Variants in ADAMTS17 observed in about 807,000 individuals in gnomAD.
ADAMTS17 encodes the protein A disintegrin and metalloproteinase with thrombospondin motifs 17.
A neutral mutation model predicts 141.5 loss-of-function variants in ADAMTS17; 113 were observed. The observed-to-expected ratio is 0.80, with a 90% confidence interval of 0.69 to 0.93. The LOEUF is 0.93. ADAMTS17 is among the 40% of genes least tolerant of loss of function. ADAMTS17 has a pLI of 0.00. For missense variants in ADAMTS17, 1,659 were observed against 1,517.9 expected, an observed-to-expected ratio of 1.09 and a Z score of -1.54; for synonymous variants, 768 against 630.6, an observed-to-expected ratio of 1.22 and a Z score of -3.27.
chr15:100,300,070 A>G (rs1405614117), intron 3 of ADAMTS17, among the ~76,000 whole-genome samples: 1 of 152,210 alleles, frequency 6.6e-6, no homozygotes, highest in Admixed American at 6.5e-5. Flanking sequence ...TCAGAGGATT[A>G]GCAAGCAACA....
chr15:100,070,416 C>T (rs1255614193), intron 15 of ADAMTS17, among the ~76,000 whole-genome samples: 1 of 150,190 alleles, frequency 6.7e-6, no homozygotes, highest in Non-Finnish European at 1.5e-5. Flanking sequence ...TAGAACTCTC[C>T]ACCCCAAATC....
intron 3 of ADAMTS17, among the ~76,000 whole-genome samples, chr15:100,284,870 G>A (rs1008248127): frequency 1.3e-5 from 2 of 152,216 alleles, no homozygotes; most frequent in Non-Finnish European, 2.9e-5. Flanking sequence ...CCTCACCAGA[G>A]AGGTCAAAGT....
intron 3 of ADAMTS17, among the ~76,000 whole-genome samples, chr15:100,317,472 G>A (rs933498571): frequency 2.6e-5 from 4 of 152,088 alleles, no homozygotes; most frequent in Non-Finnish European, 5.9e-5. Flanking sequence ...GGGTCTGCTT[G>A]ACCCTCTGTT....
At chr15:100,169,794 G>A (rs968004866) in intron 8 of ADAMTS17, among the ~76,000 whole-genome samples, 3 of 152,194 alleles carry the variant, frequency 2.0e-5, no homozygotes, top group Admixed American at 1.3e-4. Context: ...CTGGTCACGG[G>A]GCACTGGGAC....
At chr15:100,036,476 G>C (rs1394032759) in intron 18 of ADAMTS17, among the ~76,000 whole-genome samples, 2 of 152,216 alleles carry the variant, frequency 1.3e-5, no homozygotes, top group African/African-American at 2.4e-5. Flanking sequence ...CCCAAGTCCC[G>C]AGATATCGTG....
intron 4 of ADAMTS17, among the ~76,000 whole-genome samples, chr15:100,263,572 G>A (rs28407195): frequency 0.022 from 3,383 of 152,244 alleles, 111 homozygotes; most frequent in African/African-American, 0.077. Flanking sequence ...TAAGGCGAAG[G>A]AGTCAAAGTT....
chr15:100,293,788 T>C (rs1249705518), intron 3 of ADAMTS17, among the ~76,000 whole-genome samples: 1 of 152,250 alleles, frequency 6.6e-6, no homozygotes, highest in East Asian at 1.9e-4. Flanking sequence ...TAGCACTGTG[T>C]GGTTTACAGT....
chr15:99,996,176 G>A (rs912372525), intron 19 of ADAMTS17, among the ~76,000 whole-genome samples: 2 of 151,108 alleles, frequency 1.3e-5, no homozygotes, highest in South Asian at 2.1e-4. Flanking sequence ...TGCCTCAACC[G>A]CCCAAGTAGC....
intron 7 of ADAMTS17, among the ~76,000 whole-genome samples, chr15:100,221,006 C>A (rs1007735114): frequency 6.6e-6 from 1 of 152,184 alleles, no homozygotes; most frequent in Non-Finnish European, 1.5e-5. Flanking sequence ...ACCTATGTTT[C>A]CAATTCTCTT....
chr15:100,210,300 GGCT>G (rs2041758561), intron 7 of ADAMTS17, among the ~76,000 whole-genome samples: 1 of 150,848 alleles, frequency 6.6e-6, no homozygotes, highest in South Asian at 2.1e-4. Flanking sequence ...ATGAGGCAGC[GGCT>G]GCTGATCAAC....
chr15:100,016,728 C>T (rs1013480586), intron 18 of ADAMTS17, among the ~76,000 whole-genome samples: 4 of 152,190 alleles, frequency 2.6e-5, no homozygotes, highest in Non-Finnish European at 4.4e-5. Flanking sequence ...ATCTCTGGGT[C>T]TCTCAGCTGT....
chr15:100,201,116 T>C (rs2041314909), intron 7 of ADAMTS17, among the ~76,000 whole-genome samples: 1 of 152,186 alleles, frequency 6.6e-6, no homozygotes, highest in Non-Finnish European at 1.5e-5. Context: ...ATCAAACTGG[T>C]GCAGAGTTCA....
chr15:100,224,926 A>C (rs773387476), intron 7 of ADAMTS17, among the ~76,000 whole-genome samples: 3 of 152,228 alleles, frequency 2.0e-5, no homozygotes, highest in Non-Finnish European at 4.4e-5. Context: ...CCACAGACTT[A>C]ACCACCTGCA....
In ADAMTS17 at chr15:100,202,072, A is replaced by G. The variant is rs535223180; in HGVS notation, c.1076-2649T>C. ...CCTGGTGAGGGGGAAGGGAGACATA[A>G]TAAGGCCAGATGTGCTGAGCTTCCT... On this transcript the variant is annotated intron_variant, in intron 7 of 21. Coordinates refer to ENST00000268070, the MANE Select transcript of ADAMTS17 (RefSeq NM_139057.4). 2.9e-4 allele frequency among the ~76,000 whole-genome samples: 44 copies of G among 152,338 alleles called. No homozygotes were observed. In the East Asian group the frequency reaches 3.7e-3, roughly 13 times the overall value.
rs1484876938 is a variant in ADAMTS17 at position 100,097,165 on chromosome 15, TTTC to T, written c.2017-692_2017-690del. 3.3e-5 allele frequency among the ~76,000 whole-genome samples: 5 copies of T among 152,336 alleles called. No homozygotes were observed. In the East Asian group the frequency reaches 5.8e-4, roughly 18 times the overall value. On this transcript the variant is annotated intron_variant, in intron 14 of 21. Coordinates refer to ENST00000268070, the MANE Select transcript of ADAMTS17 (RefSeq NM_139057.4). The stretch of plus-strand genomic sequence containing the variant: ...GCAGAAAAAGGTTTTGGACTCTTTT[TTTC>T]TTTTTTAAAAAAGTGAGAATTTTGT...
intron 15 of ADAMTS17, among the ~76,000 whole-genome samples, chr15:100,092,365 G>A (rs547744571): frequency 2.6e-4 from 39 of 152,276 alleles, no homozygotes; most frequent in African/African-American, 8.4e-4. Flanking sequence ...TCAGACGCGT[G>A]AGCCAGGCAA....
chr15:100,223,805 A>G (rs995646376), intron 7 of ADAMTS17, among the ~76,000 whole-genome samples: 6 of 151,386 alleles, frequency 4.0e-5, no homozygotes, highest in Non-Finnish European at 8.8e-5. Flanking sequence ...GTGTATATAT[A>G]TGTGTGTGTG....
intron 7 of ADAMTS17, among the ~76,000 whole-genome samples, chr15:100,237,082 C>T (rs2042681340): frequency 1.3e-5 from 2 of 152,080 alleles, no homozygotes; most frequent in Admixed American, 6.5e-5. Context: ...AACCCTGCCC[C>T]TGCAACATCT....
chr15:100,302,054 T>C (rs1459045693), intron 3 of ADAMTS17, among the ~76,000 whole-genome samples: 1 of 152,178 alleles, frequency 6.6e-6, no homozygotes, highest in African/African-American at 2.4e-5. Context: ...CATAACCCCC[T>C]GCAATCACTT....
Sources: gnomAD v4.1 joint callset for allele counts (sites outside exome capture counted in the v4.1 genomes callset) on GRCh38, gnomAD v4.1.1 for gene constraint, MANE v1.5 for transcripts, NCBI Gene and HGNC (gene_info 2026-07-23, HGNC 2026-07-21) for gene names.